CHSY3: variants seen among roughly 807,000 people sequenced by gnomAD.
CHSY3 encodes chondroitin sulfate synthase 3, also known as N-acetylgalactosaminyl-proteoglycan 3-beta-glucuronosyltransferase 3.
CHSY3 carries 35 observed loss-of-function variants against 67.2 expected under a neutral mutation model. The observed-to-expected ratio is 0.52, with a 90% CI of 0.40 to 0.69. The LOEUF (loss-of-function observed/expected upper bound fraction) is 0.69. Ranked by LOEUF, CHSY3 falls within the 30% of genes least tolerant of loss-of-function variation. The probability of loss-of-function intolerance (pLI) is 0.00; values close to 1 mark genes in which losing one functional copy is unlikely to be tolerated. For synonymous variants in CHSY3, 474 were observed against 434.7 expected (o/e 1.09, Z -1.12); for missense variants, 1,069 against 1,138.5 (o/e 0.94, Z 0.88).
At chr5:130,183,161 T>G (rs1419402613) in intron 2 of CHSY3, among the ~76,000 whole-genome samples, 1 of 151,980 alleles carries the variant, frequency 6.6e-6, no homozygotes, top group Non-Finnish European at 1.5e-5. Flanking sequence ...GTATCTCGAG[T>G]GGGTATAATG....
chr5:130,066,315 T>C (rs79408234), intron 2 of CHSY3, among the ~76,000 whole-genome samples: 2,507 of 152,216 alleles, frequency 0.016, 68 homozygotes, highest in African/African-American at 0.056. Context: ...CTCAAAATAA[T>C]ACCGCATGAT....
chr5:129,945,903 T>C (rs10046040), intron 2 of CHSY3, among the ~76,000 whole-genome samples: 74,022 of 151,956 alleles, frequency 0.49, 18,832 homozygotes, highest in Middle Eastern at 0.59. Flanking sequence ...TTCTTTTTTC[T>C]CTTTTTTTTA....
chr5:130,175,037 G>A (rs535141017), intron 2 of CHSY3, among the ~76,000 whole-genome samples: 2 of 152,210 alleles, frequency 1.3e-5, no homozygotes, highest in South Asian at 4.1e-4. Flanking sequence ...CTCTCCGTAG[G>A]TCTCTAAGAA....
intron 2 of CHSY3, among the ~76,000 whole-genome samples, chr5:130,005,301 G>C (rs542553081): frequency 1.3e-5 from 2 of 152,192 alleles, no homozygotes; most frequent in East Asian, 3.9e-4. Flanking sequence ...TGTAGTCCCA[G>C]CTACTCGGGA....
At chr5:130,089,560 C>T (rs1766803744) in intron 2 of CHSY3, among the ~76,000 whole-genome samples, 1 of 151,974 alleles carries the variant, frequency 6.6e-6, no homozygotes, top group Non-Finnish European at 1.5e-5. Flanking sequence ...AAATTTTCAG[C>T]ATCAGATCTA....
chr5:130,099,808 T>C (rs62393171), intron 2 of CHSY3, among the ~76,000 whole-genome samples: 34,686 of 152,022 alleles, frequency 0.23, 4,175 homozygotes, highest in East Asian at 0.37. Flanking sequence ...TGGCACATAA[T>C]ATGTCAGTCC....
intron 2 of CHSY3, among the ~76,000 whole-genome samples, chr5:130,036,447 A>G (rs1175769515): frequency 6.6e-6 from 1 of 152,188 alleles, no homozygotes; most frequent in Non-Finnish European, 1.5e-5. Flanking sequence ...ACTAATTTCA[A>G]TGACATTGGG....
intron 2 of CHSY3, among the ~76,000 whole-genome samples, chr5:130,034,706 A>G (rs1008421135): frequency 6.6e-6 from 1 of 152,200 alleles, no homozygotes; most frequent in African/African-American, 2.4e-5. Context: ...TTGAAAAAAT[A>G]AAGCAGGATG....
chr5:130,043,974 G>A (rs561594654), intron 2 of CHSY3, among the ~76,000 whole-genome samples: 1 of 152,090 alleles, frequency 6.6e-6, no homozygotes, highest in African/African-American at 2.4e-5. Flanking sequence ...AGGTTAAAAT[G>A]CATGTTAGAC....
chr5:130,063,844 C>G (rs541168643), intron 2 of CHSY3, among the ~76,000 whole-genome samples: 1 of 152,210 alleles, frequency 6.6e-6, no homozygotes, highest in African/African-American at 2.4e-5. Flanking sequence ...GGGTCTTAAT[C>G]TCATTCACAT....
At chr5:130,101,668 A>T (rs1434112865) in intron 2 of CHSY3, among the ~76,000 whole-genome samples, 3 of 152,124 alleles carry the variant, frequency 2.0e-5, no homozygotes, top group Non-Finnish European at 2.9e-5. Context: ...TCACCATGTT[A>T]TACAATAGAT....
intron 2 of CHSY3, among the ~76,000 whole-genome samples, chr5:130,151,297 C>T (rs1769225687): frequency 6.6e-6 from 1 of 152,182 alleles, no homozygotes. Context: ...TACTGTGAGG[C>T]CCAAAATGCC....
Position 129,931,640 on chromosome 5 carries a change from C to G in CHSY3, c.1086+23280C>G, listed in dbSNP as rs369553368. On this transcript the variant is annotated intron_variant, in intron 2 of 2. Coordinates refer to ENST00000305031, the MANE Select transcript of CHSY3 (RefSeq NM_175856.5). ...TGATGTATAGATATATAGGCCGTTA[C>G]TAAATGATGCTGTTAGGGTCTCATA... Among the ~76,000 whole-genome samples the G allele has an allele frequency of 5.9e-5, 9 of 152,254 alleles. No homozygotes were observed. The East Asian group carries it at 1.5e-3, about 26-fold the overall frequency.
chr5:130,137,573 G>T (rs1437073064), intron 2 of CHSY3, among the ~76,000 whole-genome samples: 2 of 152,148 alleles, frequency 1.3e-5, no homozygotes, highest in Non-Finnish European at 2.9e-5. Context: ...TCTAAGAATA[G>T]TCTTCTCTTT....
At chr5:129,951,698 A>G (rs1762028444) in intron 2 of CHSY3, among the ~76,000 whole-genome samples, 1 of 152,140 alleles carries the variant, frequency 6.6e-6, no homozygotes, top group Non-Finnish European at 1.5e-5. Flanking sequence ...CCCTGAAGAG[A>G]TTCTGAGAAT....
intron 2 of CHSY3, among the ~76,000 whole-genome samples, chr5:130,041,307 A>G (rs1765000712): frequency 6.6e-6 from 1 of 152,116 alleles, no homozygotes; most frequent in Non-Finnish European, 1.5e-5. Flanking sequence ...ACCAGCTGAG[A>G]CCACATTCTC....
At chr5:130,032,788 A>G (rs1297630891) in intron 2 of CHSY3, among the ~76,000 whole-genome samples, 1 of 152,156 alleles carries the variant, frequency 6.6e-6, no homozygotes, top group Non-Finnish European at 1.5e-5. Flanking sequence ...CCCAAGATGA[A>G]TCTCAGAAGA....
intron 2 of CHSY3, among the ~76,000 whole-genome samples, chr5:130,082,179 G>A (rs1766467431): frequency 6.6e-6 from 1 of 151,922 alleles, no homozygotes; most frequent in Admixed American, 6.6e-5. Context: ...CTCCAGTGGG[G>A]TTTCATGGAA....
In CHSY3 at chr5:130,159,424, C is replaced by G. The variant is rs374085474; in HGVS notation, c.1087-24805C>G. On this transcript the variant is annotated intron_variant, in intron 2 of 2. Transcript: ENST00000305031. ...AAGGGATCTGCCTATTTTAGCTTCC[C>G]AAAGTGCTGGGATTACAGGCTTGAG... 2.1e-3 allele frequency among the ~76,000 whole-genome samples: 322 copies of G among 152,274 alleles called. 6 individuals are homozygous for G. The South Asian group carries it at 0.035, about 17-fold the overall frequency.
Sources: allele counts gnomAD v4.1 joint callset (sites outside exome capture counted in the v4.1 genomes callset), GRCh38; gene constraint gnomAD v4.1.1; transcripts MANE v1.5; gene names NCBI Gene and HGNC (gene_info 2026-07-23, HGNC 2026-07-21).